The following CNTNAP2 variants were observed in gnomAD, a reference collection of about 807,000 sequenced individuals.
CNTNAP2 encodes the protein contactin associated protein 2.
CNTNAP2 carries 98 observed loss-of-function variants against 155.2 expected under a neutral mutation model. The ratio of observed to expected loss-of-function variants is 0.63; its 90% CI spans 0.54 to 0.75. The LOEUF (loss-of-function observed/expected upper bound fraction) is 0.75. Ranked by LOEUF, CNTNAP2 falls within the 30% of genes least tolerant of loss-of-function variation. CNTNAP2 has a pLI of 0.00. For missense variants in CNTNAP2, 1,727 were observed against 1,688.1 expected, an observed-to-expected ratio of 1.02 and a Z score of -0.40; for synonymous variants, 651 against 631.2, an observed-to-expected ratio of 1.03 and a Z score of -0.47.
At chr7:146,978,082 T>A (rs1170210837) in intron 3 of CNTNAP2, among the ~76,000 whole-genome samples, 1 of 152,236 alleles carries the variant, frequency 6.6e-6, no homozygotes, top group Non-Finnish European at 1.5e-5. Flanking sequence ...TAGACCAGGC[T>A]ATTAGCTGTG....
chr7:146,664,197 T>G (rs1368778074), intron 1 of CNTNAP2, among the ~76,000 whole-genome samples: 1 of 140,566 alleles, frequency 7.1e-6, no homozygotes, highest in African/African-American at 2.6e-5. Context: ...AGTCTCACTC[T>G]GTCGCCCAGG....
At chr7:146,606,548 A>G (rs1318033167) in intron 1 of CNTNAP2, among the ~76,000 whole-genome samples, 2 of 152,208 alleles carry the variant, frequency 1.3e-5, no homozygotes, top group African/African-American at 4.8e-5. Context: ...GATTAAGCCT[A>G]GCCATAAGTC....
chr7:147,826,382 G>A (rs1038203491), intron 13 of CNTNAP2, among the ~76,000 whole-genome samples: 1 of 151,984 alleles, frequency 6.6e-6, no homozygotes, highest in Non-Finnish European at 1.5e-5. Flanking sequence ...TTCTATAATT[G>A]GAACTATCCC....
intron 10 of CNTNAP2, among the ~76,000 whole-genome samples, chr7:147,421,629 A>G (rs1003940371): frequency 9.8e-6 from 1 of 102,292 alleles, no homozygotes; most frequent in African/African-American, 4.4e-5. Context: ...TGAGATATAT[A>G]TACATAAAGA....
chr7:147,975,532 A>G (rs1801414645), intron 14 of CNTNAP2, among the ~76,000 whole-genome samples: 1 of 152,164 alleles, frequency 6.6e-6, no homozygotes, highest in Non-Finnish European at 1.5e-5. Flanking sequence ...AGATGCTGGA[A>G]GGGTTAAACA....
At chr7:148,206,602 C>G (rs932237351) in intron 18 of CNTNAP2, among the ~76,000 whole-genome samples, 1 of 152,208 alleles carries the variant, frequency 6.6e-6, no homozygotes, top group East Asian at 1.9e-4. Flanking sequence ...AACATCCTCC[C>G]GCTGTCGTTC....
At chr7:147,182,125 C>CAAAAAAAAA (rs10718876) in intron 8 of CNTNAP2, among the ~76,000 whole-genome samples, 3 of 92,402 alleles carry the variant, frequency 3.2e-5, no homozygotes, top group Non-Finnish European at 4.1e-5. Context: ...GACTCCATCT[C>CAAAAAAAAA]AAAAAAAAAA....
At chr7:147,319,750 A>AG (rs1043116922) in intron 9 of CNTNAP2, among the ~76,000 whole-genome samples, 1 of 152,172 alleles carries the variant, frequency 6.6e-6, no homozygotes, top group Admixed American at 6.5e-5. Context: ...TTTAAGATAG[A>AG]GGGAAAAAAT....
At position 146,903,983 on chromosome 7, in the gene CNTNAP2, AATT is replaced by A. The variant is rs1274064118; in HGVS notation, c.402+64085_402+64087del. On this transcript the variant is annotated intron_variant, in intron 3 of 23. Transcript: ENST00000361727. ...CACATTGTACACCGTAAATATACAT[AATT>A]ATTATATGTCAATTTAAAATAAAGT... 7.9e-5 allele frequency among the ~76,000 whole-genome samples: 12 copies of A among 152,296 alleles called. No individual in the cohort carries two copies. In the South Asian group the frequency reaches 1.4e-3, roughly 18 times the overall value.
At chr7:146,285,099 AATAG>A (rs1800305850) in intron 1 of CNTNAP2, among the ~76,000 whole-genome samples, 1 of 152,226 alleles carries the variant, frequency 6.6e-6, no homozygotes, top group African/African-American at 2.4e-5. Context: ...GTTTCCCTGT[AATAG>A]ATAGTGTAAG....
At chr7:146,659,120 T>C (rs1436839043) in intron 1 of CNTNAP2, among the ~76,000 whole-genome samples, 1 of 152,136 alleles carries the variant, frequency 6.6e-6, no homozygotes, top group Non-Finnish European at 1.5e-5. Context: ...CCTGATGAAA[T>C]ACCGTTGGCA....
intron 13 of CNTNAP2, among the ~76,000 whole-genome samples, chr7:147,898,709 G>A (rs1016814043): frequency 2.0e-5 from 3 of 151,920 alleles, no homozygotes; most frequent in Admixed American, 6.6e-5. Flanking sequence ...TAGTAGAGAC[G>A]GGGTTTCACC....
At chr7:146,872,256 T>C (rs1795327309) in intron 3 of CNTNAP2, among the ~76,000 whole-genome samples, 1 of 147,528 alleles carries the variant, frequency 6.8e-6, no homozygotes, top group South Asian at 2.1e-4. Context: ...AAGAAAAAAG[T>C]ATATATAGAC....
chr7:147,704,737 T>C (rs903616286), intron 13 of CNTNAP2, among the ~76,000 whole-genome samples: 2 of 147,672 alleles, frequency 1.4e-5, no homozygotes, highest in Admixed American at 1.8e-4. Flanking sequence ...GAGACTTTTT[T>C]TACTGATTCA....
chr7:146,697,441 G>T (rs970488106), intron 1 of CNTNAP2, among the ~76,000 whole-genome samples: 3 of 152,010 alleles, frequency 2.0e-5, no homozygotes, highest in Non-Finnish European at 4.4e-5. Flanking sequence ...GCTTCATCAT[G>T]TTGGCCAGGC....
At chr7:146,133,056 A>T (rs1380774146) in intron 1 of CNTNAP2, among the ~76,000 whole-genome samples, 1 of 146,858 alleles carries the variant, frequency 6.8e-6, no homozygotes, top group Non-Finnish European at 1.5e-5. Context: ...CTATTTCTCC[A>T]CATCCTCTCC....
At chr7:147,997,325 G>C (rs1370739250) in intron 15 of CNTNAP2, among the ~76,000 whole-genome samples, 1 of 151,964 alleles carries the variant, frequency 6.6e-6, no homozygotes. Context: ...AGGCCGAGGC[G>C]GGTGGATGAC....
intron 2 of CNTNAP2, among the ~76,000 whole-genome samples, chr7:146,835,730 A>C (rs2129199622): frequency 6.6e-6 from 1 of 152,308 alleles, no homozygotes; most frequent in Non-Finnish European, 1.5e-5. Context: ...CCTGAGATGA[A>C]AAATAGCATC....
chr7:146,733,596 A>G (rs931506928), intron 1 of CNTNAP2, among the ~76,000 whole-genome samples: 1 of 152,102 alleles, frequency 6.6e-6, no homozygotes, highest in Non-Finnish European at 1.5e-5. Flanking sequence ...ACTTAGTTTG[A>G]CTACCCTTTC....
Sources: allele counts gnomAD v4.1 joint callset (sites outside exome capture counted in the v4.1 genomes callset), GRCh38; gene constraint gnomAD v4.1.1; transcripts MANE v1.5; gene names NCBI Gene and HGNC (gene_info 2026-07-23, HGNC 2026-07-21).